Variants in GRB14 observed in about 807,000 individuals in gnomAD.
GRB14 encodes the protein growth factor receptor bound protein 14, also known as growth factor receptor-bound protein 14.
A neutral mutation model predicts 69.1 loss-of-function variants in GRB14; 38 were observed. The ratio of observed to expected loss-of-function variants is 0.55; its 90% CI spans 0.42 to 0.72. The LOEUF is 0.72. GRB14 is among the 30% of genes least tolerant of loss of function. GRB14 has a pLI of 0.00. For missense variants in GRB14, 666 were observed against 666.1 expected, an observed-to-expected ratio of 1.00 and a Z score of 0.00; for synonymous variants, 247 against 241.3, an observed-to-expected ratio of 1.02 and a Z score of -0.22.
Position 164,599,808 on chromosome 2 carries a change from G to T in GRB14, c.324+19879C>A, listed in dbSNP as rs560786962. ...AATCATCTGTAGAAGATATCTGTCT[G>T]TTGTAGATTTATAATCAACTAGCAC... On this transcript the variant is annotated intron_variant, in intron 2 of 13. Coordinates refer to ENST00000263915, the MANE Select transcript of GRB14 (RefSeq NM_004490.3). Among the ~76,000 whole-genome samples, 8 of 152,252 alleles carry T rather than the reference G, an allele frequency of 5.3e-5. No individual in the cohort carries two copies. The East Asian group carries it at 1.5e-3, about 29-fold the overall frequency.
intron 12 of GRB14, among the ~76,000 whole-genome samples, chr2:164,495,873 A>AAGAT (rs1289254625): frequency 3.9e-5 from 6 of 152,242 alleles, no homozygotes; most frequent in Admixed American, 2.0e-4. Context: ...TACTAAAAAT[A>AAGAT]AGATAGTATC....
chr2:164,590,749 T>G (rs1229892147), intron 2 of GRB14, among the ~76,000 whole-genome samples: 3 of 152,252 alleles, frequency 2.0e-5, no homozygotes, highest in Non-Finnish European at 4.4e-5. Context: ...TGGTTTCACC[T>G]TTTTAAATTT....
rs1308620969 is a variant in GRB14 at position 164,522,024 on chromosome 2, G to C, written c.772C>G (p.Leu258Val). ...KKSWKKIYFF[L>V]RRSGLYFSTK... ...GAAAAATATAAACCAGATCTTCTTA[G>C]AAAAAAGTAAATTTTTTTCCAAGAC... Residue 258 changes from leucine to valine, a missense_variant, in exon 6 of 14, where the codon CTA becomes GTA. Physicochemically the swap from Leu to Val is conservative, Grantham distance 32 (BLOSUM62 1). Coordinates refer to ENST00000263915, the MANE Select transcript of GRB14 (RefSeq NM_004490.3). The C allele has an allele frequency of 2.5e-6, 4 of 1,604,532 alleles. No homozygotes were observed. The highest frequency in any genetic ancestry group is 3.4e-6 in the Non-Finnish European group (4 of 1,173,578).
intron 3 of GRB14, among the ~76,000 whole-genome samples, chr2:164,537,383 A>G (rs181316089): frequency 1.3e-5 from 2 of 152,340 alleles, no homozygotes; most frequent in South Asian, 2.1e-4. Context: ...GACTCTTAAC[A>G]TCACAAACAA....
chr2:164,593,083 C>A (rs535280098), intron 2 of GRB14, among the ~76,000 whole-genome samples: 1 of 152,062 alleles, frequency 6.6e-6, no homozygotes, highest in African/African-American at 2.4e-5. Context: ...AACCATTAAG[C>A]CAAAAGGCAA....
chr2:164,548,283 A>T (rs1031174483), intron 2 of GRB14, among the ~76,000 whole-genome samples: 1 of 152,160 alleles, frequency 6.6e-6, no homozygotes, highest in Non-Finnish European at 1.5e-5. Context: ...AGAAAGAAGG[A>T]CTTATTTCAC....
chr2:164,612,517 T>C (rs943028554), intron 2 of GRB14, among the ~76,000 whole-genome samples: 19 of 152,260 alleles, frequency 1.2e-4, no homozygotes, highest in Non-Finnish European at 2.2e-4. Context: ...GGCCATTCTC[T>C]GGGGTCTCCC....
chr2:164,601,596 C>T (rs1431613378), intron 2 of GRB14, among the ~76,000 whole-genome samples: 1 of 152,102 alleles, frequency 6.6e-6, no homozygotes, highest in Admixed American at 6.5e-5. Flanking sequence ...AACCCTTGAT[C>T]TTTGACCCTG....
At chr2:164,606,193 T>C (rs1008799617) in intron 2 of GRB14, among the ~76,000 whole-genome samples, 2 of 152,234 alleles carry the variant, frequency 1.3e-5, no homozygotes, top group Non-Finnish European at 1.5e-5. Flanking sequence ...ACACATCCCA[T>C]ATGCATATAT....
At chr2:164,563,089 G>A (rs1000958040) in intron 2 of GRB14, among the ~76,000 whole-genome samples, 2 of 151,964 alleles carry the variant, frequency 1.3e-5, no homozygotes, top group Non-Finnish European at 2.9e-5. Context: ...CACCTTCCAA[G>A]CAAGTCCACC....
At chr2:164,582,856 A>G (rs1559061354) in intron 2 of GRB14, among the ~76,000 whole-genome samples, 1 of 152,174 alleles carries the variant, frequency 6.6e-6, no homozygotes, top group Non-Finnish European at 1.5e-5. Context: ...GGTGGTAGAA[A>G]CAGTTTCCTC....
At chr2:164,530,221 G>C (rs1308918561) in intron 3 of GRB14, among the ~76,000 whole-genome samples, 1 of 152,124 alleles carries the variant, frequency 6.6e-6, no homozygotes, top group East Asian at 1.9e-4. Context: ...AAGGTAAAGG[G>C]GGAGCAGGCG....
At chr2:164,502,440 T>C (rs1008920526) in intron 8 of GRB14, 105 bp from the exon 9 acceptor site, 1 of 714,116 alleles carries the variant, frequency 1.4e-6, no homozygotes, top group East Asian at 2.8e-5. Flanking sequence ...TAAAAACAAT[T>C]AAAGCAAACA....
At chr2:164,515,523 T>C (rs566941814) in intron 6 of GRB14, among the ~76,000 whole-genome samples, 2 of 152,240 alleles carry the variant, frequency 1.3e-5, no homozygotes, top group Admixed American at 1.3e-4. Flanking sequence ...GAGAGCACCA[T>C]ATTAAGGGAG....
rs1011835277 is a variant in GRB14, at chr2:164,497,254, G to A, written c.1251C>T (p.His417=). 19 of 1,613,596 alleles carry A rather than the reference G, an allele frequency of 1.2e-5. No individual in the cohort carries two copies. The highest frequency in any genetic ancestry group is 4.4e-5 in the South Asian group (4 of 91,038). ...TCTGTGAAGAGGCAGTGGGGCTACC[G>A]TGAGTGCCCAGGCGTAAACATCCTT... ...RKKGCLRLGT[H]GSPTASSQSS... The change falls in exon 11 of 14, where the codon CAC becomes CAT. Residue 417 remains histidine, a synonymous_variant. Coordinates refer to ENST00000263915, the MANE Select transcript of GRB14 (RefSeq NM_004490.3).
At chr2:164,509,051 T>C (rs1687270715) in intron 6 of GRB14, among the ~76,000 whole-genome samples, 199 bp from the exon 7 acceptor site, 1 of 152,162 alleles carries the variant, frequency 6.6e-6, no homozygotes, top group South Asian at 2.1e-4. Flanking sequence ...TTATTTAATT[T>C]GAGAAGTGAA....
chr2:164,509,504 T>A (rs1574253729), intron 6 of GRB14, among the ~76,000 whole-genome samples: 1 of 152,144 alleles, frequency 6.6e-6, no homozygotes, highest in East Asian at 1.9e-4. Context: ...TCCATGAGAT[T>A]TAAAACTGGT....
chr2:164,525,065 T>C lies in GRB14; in HGVS notation c.617A>G (p.Glu206Gly). Residue 206 changes from glutamate to glycine, a missense_variant, in exon 5 of 14, where the codon GAG becomes GGG. Coordinates refer to ENST00000263915, the MANE Select transcript of GRB14 (RefSeq NM_004490.3). Reference protein sequence around the residue: ...FFKNPMYFFPEHMVSFATETN... With the variant: ...FFKNPMYFFPGHMVSFATETN... ...TTCAGTTGCAAAAGATACCATATGC[T>C]CTGGAAAAAAATACTGTCAAAAAGA... 1 of 1,582,454 alleles carries C rather than the reference T, an allele frequency of 6.3e-7. No homozygotes were observed. The highest frequency in any genetic ancestry group is 1.4e-5 in the African/African-American group (1 of 73,530).
chr2:164,618,517 C>G (rs1439306238), intron 2 of GRB14, among the ~76,000 whole-genome samples: 2 of 152,068 alleles, frequency 1.3e-5, no homozygotes, highest in Admixed American at 6.5e-5. Flanking sequence ...TTCAAAGATG[C>G]CAATTCAGAA....
Sources: allele counts gnomAD v4.1 joint callset (sites outside exome capture counted in the v4.1 genomes callset), GRCh38; gene constraint gnomAD v4.1.1; transcripts MANE v1.5; gene names NCBI Gene and HGNC (gene_info 2026-07-23, HGNC 2026-07-21).